Variants in TG observed in about 807,000 individuals in gnomAD.
TG encodes thyroid hormones.
TG carries 270 observed loss-of-function variants against 324.7 expected under a neutral mutation model. The observed-to-expected ratio is 0.83, with a 90% CI of 0.75 to 0.92. The LOEUF (loss-of-function observed/expected upper bound fraction) is 0.92, where lower values mean the gene tolerates loss of function less well. Ranked by LOEUF, TG falls within the 40% of genes least tolerant of loss-of-function variation. TG has a pLI of 0.00. For missense variants in TG, 3,591 were observed against 3,456.4 expected, an observed-to-expected ratio of 1.04 and a Z score of -0.98; for synonymous variants, 1,401 against 1,327.0, an observed-to-expected ratio of 1.06 and a Z score of -1.21.
chr8:133,089,435 A>G lies in TG; in HGVS notation c.7240-5609A>G, dbSNP rs1282068607. Among the ~76,000 whole-genome samples the G allele has an allele frequency of 2.0e-5, 3 of 152,288 alleles. No individual in the cohort carries two copies. In the East Asian group the frequency reaches 5.8e-4, roughly 29 times the overall value. ...AAAGACAAAGGACCCAGTGACAGGA[A>G]ATTCCCAAGCCCTTTCTGTAATACC... is the stretch of plus-strand genomic sequence containing the variant. On this transcript the variant is annotated intron_variant, in intron 41 of 47. Transcript: ENST00000220616.
chr8:132,906,929 AC>A, intron 17 of TG, 29 bp downstream of exon 17: 9 of 1,585,698 alleles, frequency 5.7e-6, no homozygotes, highest in Non-Finnish European at 6.9e-6. Context: ...TCTATCCTGC[AC>A]CCCGCTCCCT....
Position 132,886,579 on chromosome 8 carries a change from A to T in TG, c.1207A>T (p.Arg403Ter). The change falls in exon 9 of 48, where the codon AGA becomes TGA. Residue 403 changes from arginine to a stop codon, truncating the protein, a stop_gained. Transcript: ENST00000220616. LOFTEE classifies it high-confidence loss of function. ...EKRWASPRVARFATSCPPTIK... is the reference protein window; with the variant it reads ...EKRWASPRVA The stretch of plus-strand genomic sequence containing the variant: ...AAGATGGGCCTCTCCAAGAGTAGCC[A>T]GATTTGCCACATCCTGCCCACCCAC... 1 of 1,614,186 alleles carries T rather than the reference A, an allele frequency of 6.2e-7. No homozygotes were observed. The highest frequency in any genetic ancestry group is 8.5e-7 in the Non-Finnish European group (1 of 1,180,034).
chr8:132,979,698 G>A (rs565173376), intron 34 of TG, among the ~76,000 whole-genome samples: 3 of 134,436 alleles, frequency 2.2e-5, no homozygotes, highest in Non-Finnish European at 4.8e-5. Flanking sequence ...TACAACTGAT[G>A]AAGTGGGAGT....
chr8:132,917,039 CTCCCTCCTTCCT>C (rs1458246939), intron 20 of TG, among the ~76,000 whole-genome samples: 8 of 58,048 alleles, frequency 1.4e-4, no homozygotes, highest in East Asian at 9.0e-4. Context: ...CCCTCCCTCC[CTCCCTCCTTCCT>C]TCCTTCCTTC....
intron 11 of TG, among the ~76,000 whole-genome samples, chr8:132,896,905 G>C (rs75168618): frequency 0.022 from 3,297 of 152,266 alleles, 132 homozygotes; most frequent in African/African-American, 0.077. Context: ...CAGTGGGTCG[G>C]GGACTGCAAG....
chr8:133,009,298 A>G (rs1440471883), intron 35 of TG, among the ~76,000 whole-genome samples: 3 of 152,102 alleles, frequency 2.0e-5, no homozygotes, highest in Non-Finnish European at 1.5e-5. Context: ...TGCCCCTTAT[A>G]TTGACCATGA....
rs1218154501 is a variant in TG, at chr8:133,113,574, C to T, written c.7725C>T (p.Ser2575=). ...AGCACTCCACGGATGACTATGCCTCCTTCTCCCGGGCTCTGGAGAATGCCA... is the reference window on the plus strand; with the variant it reads ...AGCACTCCACGGATGACTATGCCTCTTTCTCCCGGGCTCTGGAGAATGCCA... ...SLEHSTDDYA[S]FSRALENATR... The change falls in exon 44 of 48, where the codon TCC becomes TCT. Residue 2575 remains serine (S), a synonymous_variant. Coordinates refer to ENST00000220616, the MANE Select transcript of TG (RefSeq NM_003235.5). 1 of 1,614,050 alleles carries T rather than the reference C, an allele frequency of 6.2e-7. No homozygotes were observed. Among genetic ancestry groups the T allele is most frequent in the Non-Finnish European group, 8.5e-7 (1 of 1,180,026 alleles).
chr8:133,091,847 G>A (rs1847594506), intron 41 of TG, among the ~76,000 whole-genome samples: 1 of 152,070 alleles, frequency 6.6e-6, no homozygotes, highest in Admixed American at 6.5e-5. Flanking sequence ...GTGACCATGA[G>A]TGTCTGTGTG....
intron 23 of TG, among the ~76,000 whole-genome samples, chr8:132,930,065 C>T (rs1822476248): frequency 6.6e-6 from 1 of 152,172 alleles, no homozygotes; most frequent in Non-Finnish European, 1.5e-5. Context: ...TTATGCCTGC[C>T]TCAGTACCCA....
At chr8:133,068,969 G>A (rs1274248191) in intron 41 of TG, among the ~76,000 whole-genome samples, 2 of 152,366 alleles carry the variant, frequency 1.3e-5, no homozygotes, top group East Asian at 3.9e-4. Flanking sequence ...GATCATATAA[G>A]CAGGCTGGCC....
intron 41 of TG, among the ~76,000 whole-genome samples, chr8:133,056,682 T>G (rs1182442278): frequency 6.6e-6 from 1 of 152,156 alleles, no homozygotes; most frequent in Non-Finnish European, 1.5e-5. Context: ...CGTGGGGCTG[T>G]GAGAATCGAG....
intron 10 of TG, among the ~76,000 whole-genome samples, chr8:132,891,186 A>G (rs1816190181): frequency 6.6e-6 from 1 of 152,178 alleles, no homozygotes; most frequent in Non-Finnish European, 1.5e-5. Flanking sequence ...GAGTTTGTCC[A>G]GTTGCAGATG....
At position 133,030,021 on chromosome 8, in the gene TG, A is replaced by T. The variant is rs770906751; in HGVS notation, c.7237A>T (p.Met2413Leu). 6 of 1,614,198 alleles carry T rather than the reference A, an allele frequency of 3.7e-6. No homozygotes were observed. Among genetic ancestry groups the T allele is most frequent in the South Asian group, 2.2e-5 (2 of 91,090 alleles). The change falls in exon 41 of 48, where the codon ATG (methionine) becomes TTG (leucine). Residue 2413 changes from methionine to leucine, a missense_variant and splice_region_variant. Physicochemically the swap from Met to Leu is conservative, Grantham distance 15 (BLOSUM62 2). Transcript: ENST00000220616. ...NSQLFRRAVL[M>L]GGSALSPAAV... is the part of the protein sequence containing the mutation. ...CCAACTTTTCCGGAGAGCTGTGCTG[A>T]TGGTAAGTGGTGTGTGTTCTACCTT...
chr8:132,943,571 C>T (rs73710711), intron 26 of TG, among the ~76,000 whole-genome samples: 2,012 of 152,238 alleles, frequency 0.013, 52 homozygotes, highest in African/African-American at 0.046. Flanking sequence ...TTCCAGGGCT[C>T]CCCAGCAGAA....
At chr8:132,951,228 G>C (rs559786147) in intron 27 of TG, among the ~76,000 whole-genome samples, 1 of 152,122 alleles carries the variant, frequency 6.6e-6, no homozygotes, top group African/African-American at 2.4e-5. Flanking sequence ...TACCACCATT[G>C]AGCTATGCTT....
At chr8:132,892,975 G>A (rs1462947481) in intron 10 of TG, among the ~76,000 whole-genome samples, 1 of 149,530 alleles carries the variant, frequency 6.7e-6, no homozygotes, top group African/African-American at 2.5e-5. Context: ...TGGTGTGTAT[G>A]TGTGTGGTTG....
intron 5 of TG, among the ~76,000 whole-genome samples, chr8:132,876,740 C>T (rs1449787820): frequency 6.6e-6 from 1 of 152,148 alleles, no homozygotes; most frequent in Non-Finnish European, 1.5e-5. Flanking sequence ...TTGCCCTAGC[C>T]CAACCAGTAA....
intron 23 of TG, 68 bp from the exon 24 acceptor site, chr8:132,933,492 GA>G: frequency 1.6e-6 from 2 of 1,233,064 alleles, no homozygotes; most frequent in South Asian, 2.4e-5. Flanking sequence ...GGGGCAGGGG[GA>G]TGTGTCTGCT....
intron 41 of TG, among the ~76,000 whole-genome samples, chr8:133,058,252 G>A (rs1342127655): frequency 1.3e-5 from 2 of 152,104 alleles, no homozygotes; most frequent in Non-Finnish European, 2.9e-5. Flanking sequence ...AGGGCTGGGG[G>A]TTGAAAAAGC....
Sources: gnomAD v4.1 joint callset for allele counts (sites outside exome capture counted in the v4.1 genomes callset) on GRCh38, gnomAD v4.1.1 for gene constraint, MANE v1.5 for transcripts, NCBI Gene and HGNC (gene_info 2026-07-23, HGNC 2026-07-21) for gene names.